The following MAP9 variants were observed in gnomAD, a reference collection of about 807,000 sequenced individuals.
The protein encoded by MAP9 is microtubule-associated protein 9.
MAP9 carries 80 observed loss-of-function variants against 75.2 expected under a neutral mutation model. The observed-to-expected ratio is 1.06, with a 90% CI of 0.89 to 1.28. The LOEUF is 1.28. Ranked by LOEUF, MAP9 falls within the 50% of genes most tolerant of loss-of-function variation. MAP9 has a pLI of 0.00. For missense variants in MAP9, 753 were observed against 719.9 expected (o/e 1.05, Z -0.53); for synonymous variants, 235 against 237.3 (o/e 0.99, Z 0.09).
intron 3 of MAP9, 92 bp downstream of exon 3, chr4:155,374,845 T>G: frequency 3.0e-6 from 2 of 672,556 alleles, no homozygotes; most frequent in Non-Finnish European, 4.8e-6. Context: ...ACATACGTGA[T>G]TGAGGGGATG....
rs144868272 is a variant in MAP9 at position 155,374,091 on chromosome 4, A to C, written c.161-635T>G. On this transcript the variant is annotated intron_variant, in intron 3 of 13. Transcript: ENST00000311277. ...TGCGGTGGCTCACACCTATAATCCCAGCACTTTGGGAGGCTGAGGCGGGCG... is the reference window on the plus strand; with the variant it reads ...TGCGGTGGCTCACACCTATAATCCCCGCACTTTGGGAGGCTGAGGCGGGCG... Among the ~76,000 whole-genome samples the C allele has an allele frequency of 5.2e-3, 786 of 152,300 alleles. 8 individuals carry two copies. The highest frequency in any genetic ancestry group is 0.018 in the African/African-American group (735 of 41,566).
At chr4:155,365,524 A>G (rs1386656749) in intron 5 of MAP9, among the ~76,000 whole-genome samples, 1 of 152,164 alleles carries the variant, frequency 6.6e-6, no homozygotes, top group Non-Finnish European at 1.5e-5. Context: ...CTTAAATTAT[A>G]CAACATTATA....
At chr4:155,357,303 A>G (rs1274646782) in intron 8 of MAP9, 146 bp downstream of exon 8, 4 of 639,340 alleles carry the variant, frequency 6.3e-6, no homozygotes, top group Admixed American at 5.5e-5. Flanking sequence ...GGGTTTTATC[A>G]TGAAGTTAAC....
Position 155,345,264 on chromosome 4 carries a change from TTGC to T in MAP9, c.*2516_*2518del, listed in dbSNP as rs1731241975. 6.6e-6 allele frequency: 1 copy of T among 152,000 alleles called. No homozygotes were observed. The highest frequency in any genetic ancestry group is 6.6e-5 in the Admixed American group (1 of 15,242). 9.4% of individuals were successfully genotyped at this position (152,000 alleles called of 1,614,324 possible). On this transcript the variant is annotated 3_prime_UTR_variant, in exon 14 of 14. Coordinates refer to ENST00000311277, the MANE Select transcript of MAP9 (RefSeq NM_001039580.2). Reference sequence around the variant, plus strand: ...TTCAACTAGTTAATTTCAGTGCAGGTTGCTGTAAACAGGAAATAATATGTTATT... The same window carrying T: ...TTCAACTAGTTAATTTCAGTGCAGGTTGTAAACAGGAAATAATATGTTATT...
At position 155,344,568 on chromosome 4, in the gene MAP9, C is replaced by T. The variant is rs1347365618; in HGVS notation, c.*3215G>A. The T allele has an allele frequency of 6.6e-6, 1 of 151,922 alleles. No homozygotes were observed. Among genetic ancestry groups the T allele is most frequent in the Non-Finnish European group, 1.5e-5 (1 of 67,874 alleles). The allele number at this position is 151,922 out of a possible 1,614,324, so 9.4% of individuals were successfully genotyped here. ...GATACCTATCTACTGTCAGGTACTG[C>T]TTTGGCAGCAGTGAAAATATCAGTT... On this transcript the variant is annotated 3_prime_UTR_variant, in exon 14 of 14. Transcript: ENST00000311277.
intron 7 of MAP9, among the ~76,000 whole-genome samples, chr4:155,359,210 T>TACACACACACACACACAC (rs56261222): frequency 1.0e-4 from 15 of 145,580 alleles, no homozygotes; most frequent in African/African-American, 3.5e-4. Context: ...AAAATGTGTA[T>TACACACACACACACACAC]ACACACACAC....
Position 155,357,464 on chromosome 4 carries a change from G to T in MAP9, c.1106C>A (p.Ser369Tyr). The change falls in exon 8 of 14, where the codon TCC (serine) becomes TAC (tyrosine). Residue 369 changes from serine (S) to tyrosine (Y), a missense_variant. Physicochemically the swap from Ser to Tyr is moderately radical, Grantham distance 144. Coordinates refer to ENST00000311277, the MANE Select transcript of MAP9 (RefSeq NM_001039580.2). ...ACTTTATTACCTGGCAGATGCACTG[G>T]ATGCTCTATTATTTGTTGACTTTTT... ...KNKKSTNNRA[S>Y]SASARLMTSE... is the part of the protein sequence containing the mutation. 6.4e-7 allele frequency: 1 copy of T among 1,558,812 alleles called. No homozygotes were observed. Among genetic ancestry groups the T allele is most frequent in the Non-Finnish European group, 8.8e-7 (1 of 1,130,582 alleles).
At chr4:155,352,314 A>T in intron 13 of MAP9, 1 of 279,310 alleles carries the variant, frequency 3.6e-6, no homozygotes, top group South Asian at 4.2e-5. Context: ...CAGCAAAGGA[A>T]GAATGGGCAT....
chr4:155,360,335 C>A lies in MAP9; in HGVS notation c.883G>T (p.Val295Leu), dbSNP rs1347002764. Residue 295 changes from valine to leucine, a missense_variant, in exon 7 of 14, where the codon GTG becomes TTG. By Grantham distance (32) the Val-to-Leu change is conservative. Coordinates refer to ENST00000311277, the MANE Select transcript of MAP9 (RefSeq NM_001039580.2). The stretch of plus-strand genomic sequence containing the variant: ...TTGGATTTCTCAACTGCAGTAGTCA[C>A]ATGGTCTGCTGAAAATGAATTCTCT... ...NKENSFSADH[V>L]TTAVEKSKES... is the part of the protein sequence containing the mutation. 1.9e-6 allele frequency: 3 copies of A among 1,612,980 alleles called. No individual in the cohort carries two copies.
intron 2 of MAP9, 51 bp downstream of exon 2, chr4:155,375,725 A>G (rs368329716): frequency 4.2e-6 from 5 of 1,181,564 alleles, no homozygotes; most frequent in Non-Finnish European, 6.3e-6. Context: ...ATTTCAACCC[A>G]TCTAATACAG....
Position 155,345,571 on chromosome 4 carries a change from C to T in MAP9, c.*2212G>A, listed in dbSNP as rs1385917630. On this transcript the variant is annotated 3_prime_UTR_variant, in exon 14 of 14. Transcript: ENST00000311277. The stretch of plus-strand genomic sequence containing the variant: ...TATCAACCCTATCTATGTTAATGTT[C>T]GCACACTCATGAATGGGGAAATGTA... 2 of 151,800 alleles carry T rather than the reference C, an allele frequency of 1.3e-5. No individual in the cohort carries two copies. Among genetic ancestry groups the T allele is most frequent in the African/African-American group, 2.4e-5 (1 of 41,288 alleles). The allele number at this position is 151,800 out of a possible 1,614,324, so 9.4% of individuals were successfully genotyped here.
chr4:155,343,603 C>T lies in MAP9; in HGVS notation c.*4180G>A, dbSNP rs1731186519. ...TAGCCCACAAATAAAACTCACACCA[C>T]ATTTCCTAACACTATGGGCATTTTG... On this transcript the variant is annotated 3_prime_UTR_variant, in exon 14 of 14. Transcript: ENST00000311277. The T allele has an allele frequency of 6.6e-6, 1 of 151,764 alleles. No individual in the cohort carries two copies. The highest frequency in any genetic ancestry group is 1.5e-5 in the Non-Finnish European group (1 of 67,770). The allele number at this position is 151,764 out of a possible 1,614,324, so 9.4% of individuals were successfully genotyped here. A position where few individuals can be genotyped will look rare whatever the true frequency, so the allele number is the denominator to read the frequency against.
At chr4:155,348,404 T>C (rs1731363347) in intron 13 of MAP9, among the ~76,000 whole-genome samples, 1 of 152,052 alleles carries the variant, frequency 6.6e-6, no homozygotes, top group Non-Finnish European at 1.5e-5. Flanking sequence ...TTGCAAGTAC[T>C]AATATCACTT....
chr4:155,355,140 A>G lies in MAP9; in HGVS notation c.1311T>C (p.Asn437=), dbSNP rs202134979. 6.0e-6 allele frequency: 8 copies of G among 1,324,146 alleles called. No individual in the cohort carries two copies. The East Asian group carries it at 1.9e-4, about 31-fold the overall frequency. 82.0% of individuals were successfully genotyped at this position (1,324,146 alleles called of 1,614,324 possible). Reference sequence around the variant, plus strand: ...TTCTGTGCATTTCATGTAAATACACATTTTTCTTTTCTAACCACTCCTATA... The same window carrying G: ...TTCTGTGCATTTCATGTAAATACACGTTTTTCTTTTCTAACCACTCCTATA... ...AVYQEWLEKK[N]VYLHEMHRIK... The change falls in exon 10 of 14, where the codon AAT becomes AAC. Residue 437 remains asparagine, a synonymous_variant. Transcript: ENST00000311277.
At chr4:155,364,184 T>C (rs1187913899) in intron 5 of MAP9, among the ~76,000 whole-genome samples, 1 of 151,892 alleles carries the variant, frequency 6.6e-6, no homozygotes, top group Non-Finnish European at 1.5e-5. Flanking sequence ...TGGAAACCTA[T>C]AAAGAGCTGG....
chr4:155,347,129 G>C lies in MAP9; in HGVS notation c.*654C>G, dbSNP rs1731314234. Reference sequence around the variant, plus strand: ...ATAGAATTCAGAAAGAAAAATTTCAGAGGTGGACTCATTATAAAGTACCTA... The same window carrying C: ...ATAGAATTCAGAAAGAAAAATTTCACAGGTGGACTCATTATAAAGTACCTA... On this transcript the variant is annotated 3_prime_UTR_variant, in exon 14 of 14. Transcript: ENST00000311277. The C allele has an allele frequency of 6.6e-6, 1 of 152,130 alleles. No homozygotes were observed. The highest frequency in any genetic ancestry group is 2.1e-4 in the South Asian group (1 of 4,832). The allele number at this position is 152,130 out of a possible 1,614,324, so 9.4% of individuals were successfully genotyped here. A position where few individuals can be genotyped will look rare whatever the true frequency, so the allele number is the denominator to read the frequency against.
At chr4:155,360,782 C>T (rs541632678) in intron 6 of MAP9, among the ~76,000 whole-genome samples, 3 of 152,108 alleles carry the variant, frequency 2.0e-5, no homozygotes, top group East Asian at 3.9e-4. Flanking sequence ...TTAGCTGGAA[C>T]AACACGCTGC....
rs1731304166 is a variant in MAP9, at chr4:155,346,850, A to T, written c.*933T>A. 6.6e-6 allele frequency: 1 copy of T among 152,540 alleles called. No homozygotes were observed. The highest frequency in any genetic ancestry group is 1.5e-5 in the Non-Finnish European group (1 of 68,006). The allele number at this position is 152,540 out of a possible 1,614,324, so 9.4% of individuals were successfully genotyped here. A position where few individuals can be genotyped will look rare whatever the true frequency, so the allele number is the denominator to read the frequency against. On this transcript the variant is annotated 3_prime_UTR_variant, in exon 14 of 14. Coordinates refer to ENST00000311277, the MANE Select transcript of MAP9 (RefSeq NM_001039580.2). ...CTACGAGGACATGCAGAGATCAAATAAATAAATAAATAAAGGCTTTGTGGA... is the reference window on the plus strand; with the variant it reads ...CTACGAGGACATGCAGAGATCAAATTAATAAATAAATAAAGGCTTTGTGGA...
At chr4:155,350,284 T>C (rs934529817) in intron 13 of MAP9, 1 of 451,124 alleles carries the variant, frequency 2.2e-6, no homozygotes. Flanking sequence ...GGAGAACCGA[T>C]CTGTAACATG....
Sources: allele counts gnomAD v4.1 joint callset (sites outside exome capture counted in the v4.1 genomes callset), GRCh38; gene constraint gnomAD v4.1.1; transcripts MANE v1.5; gene names NCBI Gene and HGNC (gene_info 2026-07-23, HGNC 2026-07-21).